The following UHRF1 variants were observed in gnomAD, a reference collection of about 807,000 sequenced individuals.
The protein encoded by UHRF1 is E3 ubiquitin-protein ligase UHRF1.
Under a neutral mutation model 96.5 loss-of-function variants are expected in UHRF1, and 9 were observed. That is an observed-to-expected ratio of 0.09 (90% CI 0.06 to 0.16). The LOEUF is 0.16. Among genes scored for constraint, UHRF1 ranks in the 10% least tolerant of loss-of-function variants. The pLI is 1.00. For missense variants in UHRF1, 626 were observed against 1,131.1 expected (o/e 0.55, Z 6.40); for synonymous variants, 455 against 469.9 (o/e 0.97, Z 0.41).
At chr19:4,916,890 T>G (rs1238764185) in intron 2 of UHRF1, among the ~76,000 whole-genome samples, 1 of 152,170 alleles carries the variant, frequency 6.6e-6, no homozygotes, top group Non-Finnish European at 1.5e-5. Context: ...TCCCTCCTGA[T>G]CGAGGCTTAC....
In UHRF1 at chr19:4,943,434, G is replaced by A. The variant is rs188962016; in HGVS notation, c.1074-698G>A. ...GGGGAGGTTGTGATGTGCTAGGCTC[G>A]GGTCTGAGGACCTGCCTGTGGTCAT... On this transcript the variant is annotated intron_variant, in intron 7 of 16. Coordinates refer to ENST00000650932, the MANE Select transcript of UHRF1 (RefSeq NM_001048201.3). Among the ~76,000 whole-genome samples, 103 of 151,818 alleles carry A rather than the reference G, an allele frequency of 6.8e-4. 1 individual carries two copies. Among genetic ancestry groups the A allele is most frequent in the Non-Finnish European group, 3.4e-4 (23 of 67,932 alleles).
chr19:4,924,210 C>T (rs375703242), intron 2 of UHRF1, among the ~76,000 whole-genome samples: 8 of 152,162 alleles, frequency 5.3e-5, no homozygotes, highest in African/African-American at 1.4e-4. Flanking sequence ...AGTGCAGTGG[C>T]GTGATCTCGG....
At chr19:4,951,367 C>T (rs1229767732) in intron 13 of UHRF1, among the ~76,000 whole-genome samples, 1 of 152,136 alleles carries the variant, frequency 6.6e-6, no homozygotes, top group Non-Finnish European at 1.5e-5. Flanking sequence ...CATTGTGGGT[C>T]ACAGAATGGG....
intron 2 of UHRF1, among the ~76,000 whole-genome samples, chr19:4,917,683 AAGGTCTT>A (rs1377899340): frequency 4.0e-5 from 6 of 149,586 alleles, no homozygotes; most frequent in Admixed American, 4.0e-4. Flanking sequence ...AAAAAGAGAC[AAGGTCTT>A]GCTGTCGTCC....
chr19:4,954,316 G>A lies in UHRF1; in HGVS notation c.1819-34G>A. Reference sequence around the variant, plus strand: ...GCTCTGCATAGCGTGTGGGCCCCAAGCCTGACTCACGGCTGTCCCTCTTCC... The same window carrying A: ...GCTCTGCATAGCGTGTGGGCCCCAAACCTGACTCACGGCTGTCCCTCTTCC... On this transcript the variant is annotated intron_variant, in intron 13 of 16. Coordinates refer to ENST00000650932, the MANE Select transcript of UHRF1 (RefSeq NM_001048201.3). The surrounding 1 kb of genome is among the most constrained non-coding windows in gnomAD (Gnocchi z 5.9). 6.2e-7 allele frequency: 1 copy of A among 1,605,290 alleles called. No individual in the cohort carries two copies. Among genetic ancestry groups the A allele is most frequent in the Non-Finnish European group, 8.5e-7 (1 of 1,177,018 alleles).
At chr19:4,948,906 G>A (rs1314126988) in intron 11 of UHRF1, among the ~76,000 whole-genome samples, 3 of 143,446 alleles carry the variant, frequency 2.1e-5, no homozygotes, top group Admixed American at 7.3e-5. Flanking sequence ...GGCGGATCAC[G>A]ATGTCAGGAG....
intron 5 of UHRF1, among the ~76,000 whole-genome samples, chr19:4,940,235 C>T (rs944071891): frequency 7.9e-5 from 12 of 151,794 alleles, no homozygotes; most frequent in Non-Finnish European, 1.8e-4. Context: ...AGCGTGTGTT[C>T]AAGTGCTGTT....
chr19:4,915,439 C>T (rs951012869), intron 2 of UHRF1, among the ~76,000 whole-genome samples: 15 of 152,166 alleles, frequency 9.9e-5, no homozygotes, highest in African/African-American at 3.6e-4. Flanking sequence ...TATGGCGGGG[C>T]CCAGTGGCTC....
chr19:4,938,518 A>G (rs1031735191), intron 5 of UHRF1, among the ~76,000 whole-genome samples: 2 of 151,156 alleles, frequency 1.3e-5, no homozygotes, highest in African/African-American at 2.4e-5. Context: ...AGAATAAGAC[A>G]GTTTTTTTTT....
intron 13 of UHRF1, 40 bp downstream of exon 13, chr19:4,951,036 G>A (rs765625325): frequency 9.1e-6 from 14 of 1,546,456 alleles, no homozygotes; most frequent in Middle Eastern, 4.8e-4. Flanking sequence ...GGAGGCCAAG[G>A]CGGATGGATC....
chr19:4,923,214 G>A (rs2032758318), intron 2 of UHRF1, among the ~76,000 whole-genome samples: 2 of 152,162 alleles, frequency 1.3e-5, no homozygotes, highest in East Asian at 1.9e-4. Context: ...TCTCCTCCCC[G>A]ACTTGTCCTC....
At chr19:4,925,046 C>T (rs540864198) in intron 2 of UHRF1, among the ~76,000 whole-genome samples, 250 of 152,044 alleles carry the variant, frequency 1.6e-3, no homozygotes, top group Non-Finnish European at 2.9e-3. Context: ...AGGCTGGTCT[C>T]GAACTCCTGA....
At chr19:4,932,994 C>CT in intron 5 of UHRF1, 38 bp downstream of exon 5, 1 of 1,549,400 alleles carries the variant, frequency 6.5e-7, no homozygotes, top group South Asian at 1.2e-5. Context: ...TTCCTCTCTC[C>CT]TTTCCTCCCC....
Position 4,947,128 on chromosome 19 carries a change from C to T in UHRF1, c.1434C>T (p.Tyr478=). Residue 478 remains tyrosine (Y), a synonymous_variant, in exon 11 of 17, where the codon TAC becomes TAT. Transcript: ENST00000650932. ...AGGACCATGGGAATTTTTTCACATACACGGGTAGTGGTGGTCGAGATCTTT... is the reference window on the plus strand; with the variant it reads ...AGGACCATGGGAATTTTTTCACATATACGGGTAGTGGTGGTCGAGATCTTT... The part of the protein sequence containing the change: ...DDVDHGNFFT[Y]TGSGGRDLSG... 4 of 1,592,372 alleles carry T rather than the reference C, an allele frequency of 2.5e-6. No individual in the cohort carries two copies. Among genetic ancestry groups the T allele is most frequent in the Non-Finnish European group, 3.4e-6 (4 of 1,168,072 alleles).
chr19:4,941,325 G>A (rs993576950), intron 5 of UHRF1, among the ~76,000 whole-genome samples: 1 of 151,766 alleles, frequency 6.6e-6, no homozygotes, highest in Non-Finnish European at 1.5e-5. Flanking sequence ...TCCTGACCTC[G>A]GCCTCCCAGT....
chr19:4,945,263 C>G (rs1210418239), intron 9 of UHRF1, among the ~76,000 whole-genome samples: 1 of 152,046 alleles, frequency 6.6e-6, no homozygotes, highest in Non-Finnish European at 1.5e-5. Flanking sequence ...GTCACCCCCA[C>G]TTTTATTTTT....
intron 2 of UHRF1, among the ~76,000 whole-genome samples, chr19:4,914,494 C>G (rs938396328): frequency 6.6e-6 from 1 of 151,904 alleles, no homozygotes; most frequent in African/African-American, 2.4e-5. Flanking sequence ...GGGTCTGTCT[C>G]GGAATATGGA....
At chr19:4,953,510 C>T (rs1017605481) in intron 13 of UHRF1, among the ~76,000 whole-genome samples, 4 of 152,118 alleles carry the variant, frequency 2.6e-5, no homozygotes, top group Non-Finnish European at 5.9e-5. Context: ...GTTGTCCAGG[C>T]TGGAGTGTAG....
At chr19:4,913,880 C>T (rs1328123019) in intron 2 of UHRF1, among the ~76,000 whole-genome samples, 3 of 139,376 alleles carry the variant, frequency 2.2e-5, no homozygotes, top group African/African-American at 5.4e-5. Context: ...TGCGTGATCT[C>T]GGCTTACCTC....
Sources: gnomAD v4.1 joint callset for allele counts (sites outside exome capture counted in the v4.1 genomes callset) on GRCh38, gnomAD v4.1.1 for gene constraint, Gnocchi (gnomAD v3.1) non-coding constraint, MANE v1.5 for transcripts, NCBI Gene and HGNC (gene_info 2026-07-23, HGNC 2026-07-21) for gene names.